AGMO: variants seen among roughly 807,000 people sequenced by gnomAD.
AGMO encodes glyceryl-ether monooxygenase.
A neutral mutation model predicts 60.2 loss-of-function variants in AGMO; 75 were observed. The ratio of observed to expected loss-of-function variants is 1.25; its 90% CI spans 1.03 to 1.51. The LOEUF is 1.51. AGMO is among the 40% of genes most tolerant of loss of function. The pLI, the probability that AGMO is intolerant of heterozygous loss-of-function variation, is 0.00. For synonymous variants in AGMO, 261 were observed against 177.1 expected (o/e 1.47, Z -3.76); for missense variants, 763 against 525.5 (o/e 1.45, Z -4.42).
At chr7:15,417,173 A>G (rs1179059681) in intron 5 of AGMO, among the ~76,000 whole-genome samples, 4 of 152,212 alleles carry the variant, frequency 2.6e-5, no homozygotes, top group African/African-American at 9.6e-5. Flanking sequence ...GAACCCACAC[A>G]TAGTAAAGTA....
At position 15,475,087 on chromosome 7, in the gene AGMO, G is replaced by A. The variant is rs114318601; in HGVS notation, c.410-43979C>T. Among the ~76,000 whole-genome samples the A allele has an allele frequency of 9.9e-3, 1,513 of 152,294 alleles. 29 individuals are homozygous for A. Among genetic ancestry groups the A allele is most frequent in the African/African-American group, 0.035 (1,435 of 41,566 alleles). ...AGAGAAATAGGAACGCATTTACAGT[G>A]TTAGTGGGAGTGTAAATTAGTTCAT... On this transcript the variant is annotated intron_variant, in intron 3 of 12. Transcript: ENST00000342526.
intron 12 of AGMO, among the ~76,000 whole-genome samples, chr7:15,244,912 A>C (rs1782697798): frequency 6.6e-6 from 1 of 152,224 alleles, no homozygotes; most frequent in Non-Finnish European, 1.5e-5. Flanking sequence ...TTGGTCTCCC[A>C]AAGTGTTGGG....
In AGMO at chr7:15,290,456, T is replaced by A. The variant is rs570167332; in HGVS notation, c.1263+75058A>T. Among the ~76,000 whole-genome samples, 7 of 152,344 alleles carry A rather than the reference T, an allele frequency of 4.6e-5. No homozygotes were observed. The East Asian group carries it at 1.4e-3, about 29-fold the overall frequency. ...ATAAAAATCTACGAAATTTTCTCTT[T>A]GAAGGACTTCTTAAAGCCTAAGAGA... On this transcript the variant is annotated intron_variant, in intron 12 of 12. Coordinates refer to ENST00000342526, the MANE Select transcript of AGMO (RefSeq NM_001004320.2).
At chr7:15,198,544 GAA>G (rs1781195021), downstream of AGMO, among the ~76,000 whole-genome samples, 2 of 152,280 alleles carry the variant, frequency 1.3e-5, no homozygotes, top group East Asian at 1.9e-4. Flanking sequence ...TTGTAATAGA[GAA>G]AGAGTTCAAT....
At chr7:15,533,743 T>C (rs1029902364) in intron 3 of AGMO, among the ~76,000 whole-genome samples, 12 of 152,170 alleles carry the variant, frequency 7.9e-5, no homozygotes, top group African/African-American at 2.4e-4. Context: ...AAATCAGATT[T>C]CTTGTTGATT....
At chr7:15,348,940 C>G (rs774995030) in intron 12 of AGMO, among the ~76,000 whole-genome samples, 2 of 152,120 alleles carry the variant, frequency 1.3e-5, no homozygotes, top group African/African-American at 2.4e-5. Context: ...CAAAGTTCTT[C>G]TAAATTAGCT....
chr7:15,174,796 A>T, the AGMO span, among the ~76,000 whole-genome samples: 2 of 152,032 alleles, frequency 1.3e-5, no homozygotes, highest in Non-Finnish European at 2.9e-5. Flanking sequence ...TTTTCTATGA[A>T]AAGGACATTC....
chr7:15,258,728 A>C, intron 12 of AGMO, among the ~76,000 whole-genome samples: 1 of 152,092 alleles, frequency 6.6e-6, no homozygotes, highest in East Asian at 1.9e-4. Context: ...TGCAATATCT[A>C]AAGACAGATC....
the AGMO span, among the ~76,000 whole-genome samples, chr7:15,148,489 C>G: frequency 2.6e-5 from 4 of 152,044 alleles, no homozygotes; most frequent in Admixed American, 1.3e-4. Flanking sequence ...CTCCCATGGA[C>G]CACCCTCAAG....
the AGMO span, among the ~76,000 whole-genome samples, chr7:15,142,954 T>C: frequency 6.6e-6 from 1 of 152,206 alleles, no homozygotes; most frequent in Non-Finnish European, 1.5e-5. Flanking sequence ...ACAAATGAGA[T>C]ACTGAAGCAA....
intron 12 of AGMO, among the ~76,000 whole-genome samples, chr7:15,349,033 TG>T (rs1782135239): frequency 6.6e-6 from 1 of 152,106 alleles, no homozygotes; most frequent in South Asian, 2.1e-4. Flanking sequence ...TTTCTATGAG[TG>T]ACACCTCAAT....
chr7:15,247,242 A>C (rs12154243), intron 12 of AGMO, among the ~76,000 whole-genome samples: 98,463 of 151,924 alleles, frequency 0.65, 32,625 homozygotes, highest in African/African-American at 0.78. Context: ...CTATTTAAAA[A>C]AATGCAAATA....
intron 3 of AGMO, among the ~76,000 whole-genome samples, chr7:15,507,992 C>A (rs1051640842): frequency 2.0e-5 from 3 of 151,656 alleles, no homozygotes; most frequent in African/African-American, 4.8e-5. Flanking sequence ...AAAAATGTAC[C>A]GTAATAAAAT....
Position 15,322,501 on chromosome 7 carries a change from TATAA to T in AGMO, c.1263+43009_1263+43012del, listed in dbSNP as rs1182746149. Among the ~76,000 whole-genome samples, 59 of 83,766 alleles carry T rather than the reference TATAA, an allele frequency of 7.0e-4. 1 individual carries two copies. The highest frequency in any genetic ancestry group is 2.5e-3 in the African/African-American group (53 of 21,024). 55.0% of individuals were successfully genotyped at this position (83,766 alleles called of 152,430 possible). A position where few individuals can be genotyped will look rare whatever the true frequency, so the allele number is the denominator to read the frequency against. ...ATATATATATAAATATATATAAATATATAAATATATATATAAATATATATAAATA... is the reference window on the plus strand; with the variant it reads ...ATATATATATAAATATATATAAATATATATATATATAAATATATATAAATA... On this transcript the variant is annotated intron_variant, in intron 12 of 12. Transcript: ENST00000342526.
intron 12 of AGMO, among the ~76,000 whole-genome samples, chr7:15,265,687 C>T (rs1783411916): frequency 6.6e-6 from 1 of 151,956 alleles, no homozygotes; most frequent in African/African-American, 2.4e-5. Context: ...GCCCTGCATG[C>T]CATTGATAAT....
chr7:15,432,752 A>C (rs1158196420), intron 3 of AGMO, among the ~76,000 whole-genome samples: 1 of 151,994 alleles, frequency 6.6e-6, no homozygotes, highest in Non-Finnish European at 1.5e-5. Context: ...GTTCTTACAC[A>C]AAAGAGAACT....
At chr7:15,276,720 C>T (rs1359436154) in intron 12 of AGMO, among the ~76,000 whole-genome samples, 1 of 151,940 alleles carries the variant, frequency 6.6e-6, no homozygotes, top group African/African-American at 2.4e-5. Context: ...TTCTTGAAAG[C>T]TTTGTTCATA....
intron 2 of AGMO, among the ~76,000 whole-genome samples, chr7:15,553,348 A>T (rs1785030371): frequency 6.6e-6 from 1 of 151,836 alleles, no homozygotes; most frequent in African/African-American, 2.4e-5. Flanking sequence ...TAAATAAAAT[A>T]AAATAAAATA....
chr7:15,304,037 T>C (rs899372112), intron 12 of AGMO, among the ~76,000 whole-genome samples: 2 of 152,138 alleles, frequency 1.3e-5, no homozygotes, highest in South Asian at 4.1e-4. Flanking sequence ...AACAAACTTG[T>C]GTTAGTTCAA....
Sources: allele counts gnomAD v4.1 joint callset (sites outside exome capture counted in the v4.1 genomes callset), GRCh38; gene constraint gnomAD v4.1.1; transcripts MANE v1.5; gene names NCBI Gene and HGNC (gene_info 2026-07-23, HGNC 2026-07-21).